The following SMG6 variants were observed in gnomAD, a reference collection of about 807,000 sequenced individuals.
SMG6 encodes the protein telomerase-binding protein EST1A.
A neutral mutation model predicts 142.2 loss-of-function variants in SMG6; 66 were observed. The ratio of observed to expected loss-of-function variants is 0.46; its 90% CI spans 0.38 to 0.57. The LOEUF is 0.57. SMG6 is among the 20% of genes least tolerant of loss of function. The probability of loss-of-function intolerance (pLI) is 0.00; values close to 1 mark genes in which losing one functional copy is unlikely to be tolerated. For synonymous variants in SMG6, 779 were observed against 702.4 expected (o/e 1.11, Z -1.72); for missense variants, 1,793 against 1,832.0 (o/e 0.98, Z 0.39).
intron 10 of SMG6, among the ~76,000 whole-genome samples, chr17:2,197,350 G>C (rs1368757036): frequency 6.6e-6 from 1 of 152,004 alleles, no homozygotes; most frequent in Non-Finnish European, 1.5e-5. Flanking sequence ...AATTGCTTGA[G>C]CCCAGGAGTC....
In SMG6 at chr17:2,085,905, C is replaced by T. The variant is rs752043463; in HGVS notation, c.3358-4G>A. 9.9e-6 allele frequency: 16 copies of T among 1,613,752 alleles called. No individual in the cohort carries two copies. In the South Asian group the frequency reaches 1.6e-4, roughly 17 times the overall value. ...TTTTGCAGTCAGCTGCAATAACCTA[C>T]AGGGTGAGAGGGAGAGAAGAAAAAC... On this transcript the variant is annotated splice_region_variant and splice_polypyrimidine_tract_variant and intron_variant, in intron 13 of 18. Coordinates refer to ENST00000263073, the MANE Select transcript of SMG6 (RefSeq NM_017575.5). The surrounding 1 kb of genome is among the most constrained non-coding windows in gnomAD (Gnocchi z 4.1).
Position 2,111,445 on chromosome 17 carries a change from G to A in SMG6, c.3358-25544C>T, listed in dbSNP as rs149881967. On this transcript the variant is annotated intron_variant, in intron 13 of 18. Transcript: ENST00000263073. ...AGGTCCTCTGAGATCACAGGATCTC[G>A]CTGTTGCCCAGGCTGCAGTACAGTG... Among the ~76,000 whole-genome samples, 792 of 152,190 alleles carry A rather than the reference G, an allele frequency of 5.2e-3. 3 individuals carry two copies. The highest frequency in any genetic ancestry group is 0.02 in the Middle Eastern group (6 of 294).
intron 10 of SMG6, among the ~76,000 whole-genome samples, chr17:2,235,189 G>A (rs1357921758): frequency 1.3e-5 from 2 of 151,988 alleles, no homozygotes. Flanking sequence ...GCTTCCTCAG[G>A]GCCATTTACC....
At position 2,061,588 on chromosome 17, in the gene SMG6, C is replaced by T. The variant is rs960617013; in HGVS notation, c.4164G>A (p.Leu1388=). 3 of 1,572,910 alleles carry T rather than the reference C, an allele frequency of 1.9e-6. No homozygotes were observed. Among genetic ancestry groups the T allele is most frequent in the Non-Finnish European group, 1.7e-6 (2 of 1,158,814 alleles). ...EPIRLLREVV[L]LTDDRNLRVK... is the part of the protein sequence containing the mutation. ...CACGCAGGTTCCGGTCATCCGTCAA[C>T]AGCACCACCTCCCGCAGTAGCCGGA... The change falls in exon 19 of 19, where the codon CTG becomes CTA. Residue 1388 remains leucine (L), a synonymous_variant. Transcript: ENST00000263073.
intron 13 of SMG6, among the ~76,000 whole-genome samples, chr17:2,090,041 G>A (rs959463247): frequency 1.3e-5 from 2 of 151,854 alleles, no homozygotes; most frequent in Admixed American, 6.6e-5. Context: ...AAAATCAGCC[G>A]GGTGTGGTAG....
Position 2,161,412 on chromosome 17 carries a change from A to AT in SMG6, c.3357+11245dup, listed in dbSNP as rs200153348. Among the ~76,000 whole-genome samples, 71 of 143,980 alleles carry AT rather than the reference A, an allele frequency of 4.9e-4. 2 individuals are homozygous for AT. The highest frequency in any genetic ancestry group is 8.9e-4 in the South Asian group (4 of 4,510). The allele number at this position is 143,980 out of a possible 152,430, so 94.5% of individuals were successfully genotyped here. A position where few individuals can be genotyped will look rare whatever the true frequency, so the allele number is the denominator to read the frequency against. On this transcript the variant is annotated intron_variant, in intron 13 of 18. Transcript: ENST00000263073. ...GAGCCACCAATCCCGGCCTTTATTTATTTATTTTTTTTTTTGAGACAGAGT... is the reference window on the plus strand; with the variant it reads ...GAGCCACCAATCCCGGCCTTTATTTATTTTATTTTTTTTTTTGAGACAGAGT...
At chr17:2,284,606 A>G (rs2074863032) in intron 6 of SMG6, among the ~76,000 whole-genome samples, 1 of 152,130 alleles carries the variant, frequency 6.6e-6, no homozygotes, top group Non-Finnish European at 1.5e-5. Context: ...TTAAAATGCT[A>G]GCTTCTCTCT....
intron 13 of SMG6, among the ~76,000 whole-genome samples, chr17:2,134,379 A>G (rs2070222576): frequency 6.9e-6 from 1 of 144,430 alleles, no homozygotes; most frequent in Non-Finnish European, 1.5e-5. Context: ...GATCGTGCCT[A>G]CAACCTGGGA....
chr17:2,115,200 CAA>C (rs2151503808), intron 13 of SMG6, among the ~76,000 whole-genome samples: 1 of 151,984 alleles, frequency 6.6e-6, no homozygotes, highest in South Asian at 2.1e-4. Context: ...TCTACTCTAG[CAA>C]ACAGAGTGTT....
chr17:2,196,289 G>A (rs2072323235), intron 10 of SMG6, among the ~76,000 whole-genome samples: 1 of 152,176 alleles, frequency 6.6e-6, no homozygotes, highest in African/African-American at 2.4e-5. Flanking sequence ...GGGCGTGGCG[G>A]CGCGTGCCTG....
intron 13 of SMG6, among the ~76,000 whole-genome samples, chr17:2,106,090 G>A (rs2069147790): frequency 6.6e-6 from 1 of 152,214 alleles, no homozygotes; most frequent in South Asian, 2.1e-4. Context: ...TATGAAGGAG[G>A]AGAAGAGAGA....
intron 8 of SMG6, among the ~76,000 whole-genome samples, chr17:2,254,236 G>A (rs371086525): frequency 1.6e-4 from 25 of 152,230 alleles, no homozygotes; most frequent in East Asian, 1.2e-3. Flanking sequence ...TGCACTCCAG[G>A]AAGTGAGAGA....
intron 13 of SMG6, among the ~76,000 whole-genome samples, chr17:2,153,989 A>G (rs2070917205): frequency 1.7e-5 from 2 of 120,536 alleles, no homozygotes; most frequent in Admixed American, 8.9e-5. Flanking sequence ...GTAGAGTGTG[A>G]CGGTGACTGG....
intron 8 of SMG6, among the ~76,000 whole-genome samples, chr17:2,253,433 C>T (rs1235619779): frequency 6.6e-6 from 1 of 152,002 alleles, no homozygotes; most frequent in South Asian, 2.1e-4. Flanking sequence ...CTATCCAGAT[C>T]GTTACAGAAA....
intron 6 of SMG6, among the ~76,000 whole-genome samples, chr17:2,290,014 T>A (rs999812078): frequency 6.6e-6 from 1 of 150,924 alleles, no homozygotes; most frequent in Non-Finnish European, 1.5e-5. Context: ...TTTCTCCCAA[T>A]AGCAAATCAG....
intron 13 of SMG6, among the ~76,000 whole-genome samples, chr17:2,144,882 G>A (rs1054992955): frequency 3.3e-5 from 5 of 152,004 alleles, no homozygotes; most frequent in African/African-American, 4.8e-5. Flanking sequence ...CACCTAGGGC[G>A]CACCCCACGC....
chr17:2,267,976 T>C (rs1405434183), intron 8 of SMG6, among the ~76,000 whole-genome samples: 1 of 152,178 alleles, frequency 6.6e-6, no homozygotes, highest in East Asian at 1.9e-4. Flanking sequence ...CTCGATCTCC[T>C]GACCTCGGGA....
At position 2,061,251 on chromosome 17, in the gene SMG6, GC is replaced by G; in HGVS notation, c.*240del. On this transcript the variant is annotated 3_prime_UTR_variant, in exon 19 of 19. Transcript: ENST00000263073. ...TGCCCAGCTGCTGTTGCTGTAGCCA[GC>G]CACCTCCCTGCTAAATCCTGGCAGC... 1 of 451,056 alleles carries G rather than the reference GC, an allele frequency of 2.2e-6. No homozygotes were observed. The highest frequency in any genetic ancestry group is 4.1e-6 in the Non-Finnish European group (1 of 245,934). The allele number at this position is 451,056 out of a possible 1,614,324, so 27.9% of individuals were successfully genotyped here. A position where few individuals can be genotyped will look rare whatever the true frequency, so the allele number is the denominator to read the frequency against.
chr17:2,255,429 AG>A (rs1160590314), intron 8 of SMG6, among the ~76,000 whole-genome samples: 1,491 of 137,798 alleles, frequency 0.011, 168 homozygotes, highest in African/African-American at 0.03. Flanking sequence ...AAAAAAAAAA[AG>A]AATGTGATCT....
Sources: gnomAD v4.1 joint callset for allele counts (sites outside exome capture counted in the v4.1 genomes callset) on GRCh38, gnomAD v4.1.1 for gene constraint, Gnocchi (gnomAD v3.1) non-coding constraint, MANE v1.5 for transcripts, NCBI Gene and HGNC (gene_info 2026-07-23, HGNC 2026-07-21) for gene names.